The following USF2 variants were observed in gnomAD, a reference collection of about 807,000 sequenced individuals.
USF2 encodes upstream transcription factor 2, c-fos interacting, also known as upstream stimulatory factor 2.
USF2 carries 16 observed loss-of-function variants against 46.9 expected under a neutral mutation model. The observed-to-expected ratio is 0.34, with a 90% CI of 0.23 to 0.52. The LOEUF (loss-of-function observed/expected upper bound fraction) is 0.52. Among genes scored for constraint, USF2 ranks in the 20% least tolerant of loss-of-function variants. The probability of loss-of-function intolerance (pLI) is 0.96; values close to 1 mark genes in which losing one functional copy is unlikely to be tolerated. For missense variants in USF2, 411 were observed against 474.0 expected, an observed-to-expected ratio of 0.87 and a Z score of 1.23; for synonymous variants, 239 against 194.1, an observed-to-expected ratio of 1.23 and a Z score of -1.92.
intron 7 of USF2, among the ~76,000 whole-genome samples, chr19:35,274,460 C>A (rs941622558): frequency 6.6e-6 from 1 of 152,164 alleles, no homozygotes; most frequent in African/African-American, 2.4e-5. Flanking sequence ...CAAATGCCTG[C>A]AGGGGCCTGA....
chr19:35,270,441 C>T lies in USF2; in HGVS notation c.430-6C>T, dbSNP rs778177609. 5 of 1,611,136 alleles carry T rather than the reference C, an allele frequency of 3.1e-6. No homozygotes were observed. Among genetic ancestry groups the T allele is most frequent in the East Asian group, 2.2e-5 (1 of 44,878 alleles). On this transcript the variant is annotated splice_region_variant and splice_polypyrimidine_tract_variant and intron_variant, in intron 4 of 9. Transcript: ENST00000222305. ...TAAGGGTAGCCTCTGCCCTCCTACTCCCCAGGCTGTGATCCAAAATCCCTT... is the reference window on the plus strand; with the variant it reads ...TAAGGGTAGCCTCTGCCCTCCTACTTCCCAGGCTGTGATCCAAAATCCCTT...
intron 7 of USF2, among the ~76,000 whole-genome samples, chr19:35,273,346 C>T (rs547287995): frequency 6.6e-6 from 1 of 152,164 alleles, no homozygotes; most frequent in Non-Finnish European, 1.5e-5. Flanking sequence ...CTGCCTGTTT[C>T]CCTCTGTTCC....
intron 7 of USF2, chr19:35,278,450 G>C (rs368235256): frequency 2.1e-5 from 10 of 477,974 alleles, no homozygotes; most frequent in Middle Eastern, 1.1e-3. Context: ...ATCTCCAAGT[G>C]CCTGGCCTTT....
intron 4 of USF2, 191 bp downstream of exon 4, chr19:35,270,194 TC>T: frequency 2.2e-6 from 2 of 900,760 alleles, no homozygotes; most frequent in South Asian, 2.1e-5. Flanking sequence ...AATTTTTTTT[TC>T]CCGCAAAATG....
chr19:35,271,690 C>G (rs1295150415), intron 7 of USF2, among the ~76,000 whole-genome samples: 3 of 152,238 alleles, frequency 2.0e-5, no homozygotes, highest in Non-Finnish European at 4.4e-5. Context: ...CCCGCCCCGC[C>G]TGTCAGTAGC....
At chr19:35,275,449 T>C (rs1374406181) in intron 7 of USF2, 3 of 146,430 alleles carry the variant, frequency 2.0e-5, no homozygotes, top group South Asian at 2.2e-4. Flanking sequence ...TTTTTTTTTT[T>C]CCAATTTTCT....
intron 1 of USF2, 141 bp from the exon 2 acceptor site, chr19:35,269,305 C>T: frequency 1.1e-6 from 1 of 883,000 alleles, no homozygotes; most frequent in Non-Finnish European, 1.4e-6. Context: ...GACCTGGCGC[C>T]TCCCGCCCCC....
intron 7 of USF2, among the ~76,000 whole-genome samples, chr19:35,274,119 C>T (rs913316535): frequency 6.6e-6 from 1 of 152,212 alleles, no homozygotes; most frequent in Non-Finnish European, 1.5e-5. Flanking sequence ...TCCAGCCCCA[C>T]GTTTTGAACT....
chr19:35,270,674 T>C, intron 5 of USF2, 44 bp from the exon 6 acceptor site: 6 of 1,613,184 alleles, frequency 3.7e-6, no homozygotes, highest in African/African-American at 1.3e-5. Context: ...CAGCCAGTTC[T>C]GACTTCACCC....
chr19:35,269,150 G>A lies in USF2; in HGVS notation c.49G>A (p.Ala17Thr). Residue 17 changes from alanine to threonine, a missense_variant, in exon 1 of 10, where the codon GCT (alanine) becomes ACT (threonine). Coordinates refer to ENST00000222305, the MANE Select transcript of USF2 (RefSeq NM_003367.4). ...GLDPAASATA[A>T]AAASHDKGPE... ...GGATCCCGCTGCCTCGGCCACCGCT[G>A]CTGCCGCCGCCAGGTAAGATCCCCG... 1 of 1,015,704 alleles carries A rather than the reference G, an allele frequency of 9.8e-7. No homozygotes were observed. The highest frequency in any genetic ancestry group is 1.2e-6 in the Non-Finnish European group (1 of 847,166). The allele number at this position is 1,015,704 out of a possible 1,614,324, so 62.9% of individuals were successfully genotyped here.
In USF2 at chr19:35,270,748, A is replaced by G. The variant is rs762338414; in HGVS notation, c.611A>G (p.Asp204Gly). ...TTCTACGTCATGATGACGCCCCAGG[A>G]TGTGCTTCAGACAGGAACACAGAGG... ...GQFYVMMTPQ[D>G]VLQTGTQRTI... is the part of the protein sequence containing the mutation. Residue 204 changes from aspartate to glycine, a missense_variant, in exon 6 of 10, where the codon GAT (aspartate) becomes GGT (glycine). By Grantham distance (94) the Asp-to-Gly change is moderately conservative. This residue lies in a region of USF2 where 318 missense variants were observed against 322.4 expected (regional missense o/e 0.99). Transcript: ENST00000222305. 2.5e-6 allele frequency: 4 copies of G among 1,613,842 alleles called. No individual in the cohort carries two copies. In the Admixed American group the frequency reaches 6.7e-5, roughly 27 times the overall value.
intron 8 of USF2, 56 bp from the exon 9 acceptor site, chr19:35,278,890 G>C (rs1209992407): frequency 1.9e-6 from 3 of 1,585,240 alleles, no homozygotes; most frequent in Non-Finnish European, 2.6e-6. Context: ...TCATCCCTGG[G>C]GTGGAGGCCG....
rs1027422142 is a variant in USF2 at position 35,279,065 on chromosome 19, G to A, written c.942G>A (p.Leu314=). 1.9e-6 allele frequency: 3 copies of A among 1,604,220 alleles called. No homozygotes were observed. Among genetic ancestry groups the A allele is most frequent in the African/African-American group, 1.3e-5 (1 of 74,504 alleles). Residue 314 remains leucine, a synonymous_variant, in exon 9 of 10, where the codon CTG becomes CTA. Transcript: ENST00000222305. ...AERLQMDNEL[L]RQQIEELKNE... ...GGCTGCAGATGGACAACGAGCTCCT[G>A]AGGCAGCAGGTGGGTGCGGGGCCTG...
Position 35,279,257 on chromosome 19 carries a change from C to T in USF2, c.*1C>T, listed in dbSNP as rs759288832. 3.5e-5 allele frequency: 53 copies of T among 1,516,786 alleles called. 1 individual carries two copies. Among genetic ancestry groups the T allele is most frequent in the South Asian group, 3.3e-4 (26 of 78,610 alleles). 94.0% of individuals were successfully genotyped at this position (1,516,786 alleles called of 1,614,324 possible). On this transcript the variant is annotated 3_prime_UTR_variant, in exon 10 of 10. Transcript: ENST00000222305. Reference sequence around the variant, plus strand: ...GGTGGGCGAGGGCACCCGGCAGTGACGCCCGCCACCACCACGCAGCCGCCG... The same window carrying T: ...GGTGGGCGAGGGCACCCGGCAGTGATGCCCGCCACCACCACGCAGCCGCCG...
At chr19:35,276,738 C>G (rs1024213972) in intron 7 of USF2, among the ~76,000 whole-genome samples, 16 of 152,340 alleles carry the variant, frequency 1.1e-4, no homozygotes, top group Admixed American at 7.8e-4. Flanking sequence ...AGGATTCATC[C>G]CACCCCCATT....
intron 7 of USF2, among the ~76,000 whole-genome samples, chr19:35,271,687 C>A (rs566445210): frequency 9.2e-5 from 14 of 152,256 alleles, no homozygotes; most frequent in Non-Finnish European, 1.9e-4. Context: ...TGTCCCGCCC[C>A]GCCTGTCAGT....
At chr19:35,270,132 ATGG>A in intron 4 of USF2, 129 bp downstream of exon 4, 1 of 1,097,528 alleles carries the variant, frequency 9.1e-7, no homozygotes, top group East Asian at 3.1e-5. Flanking sequence ...CTCAGGCTGC[ATGG>A]GGCCAGATCC....
chr19:35,278,150 G>GT (rs2066260470), intron 7 of USF2: 1 of 152,864 alleles, frequency 6.5e-6, no homozygotes, highest in Non-Finnish European at 1.5e-5. Flanking sequence ...TTTAAGCAGG[G>GT]GTGAAACATG....
At chr19:35,270,163 A>G in intron 4 of USF2, 160 bp downstream of exon 4, 1 of 992,736 alleles carries the variant, frequency 1.0e-6, no homozygotes, top group South Asian at 2.0e-5. Flanking sequence ...GCACCGTGAA[A>G]CCTGGGGACA....
Sources: gnomAD v4.1 joint callset for allele counts (sites outside exome capture counted in the v4.1 genomes callset) on GRCh38, gnomAD v4.1.1 for gene constraint, gnomAD v4.1.1 regional missense constraint, MANE v1.5 for transcripts, NCBI Gene and HGNC (gene_info 2026-07-23, HGNC 2026-07-21) for gene names.